Variants in ADD3 observed in about 807,000 individuals in gnomAD.
The protein encoded by ADD3 is gamma-adducin.
ADD3 carries 25 observed loss-of-function variants against 80.2 expected under a neutral mutation model. That is an observed-to-expected ratio of 0.31 (90% CI 0.23 to 0.44). The LOEUF is 0.44. Among genes scored for constraint, ADD3 ranks in the 20% least tolerant of loss-of-function variants. ADD3 has a pLI of 1.00. For synonymous variants in ADD3, 284 were observed against 289.6 expected, an observed-to-expected ratio of 0.98 and a Z score of 0.20; for missense variants, 829 against 847.5, an observed-to-expected ratio of 0.98 and a Z score of 0.27.
chr10:109,996,383 A>G (rs1851381145), exon 1 of ADD3: 2 of 152,294 alleles, frequency 1.3e-5, no homozygotes, highest in Admixed American at 1.3e-4. Flanking sequence ...AGTTTCAGTA[A>G]TCATTGTGAA....
At chr10:110,122,542 T>C (rs1851640045) in intron 9 of ADD3, among the ~76,000 whole-genome samples, 1 of 152,172 alleles carries the variant, frequency 6.6e-6, no homozygotes, top group Non-Finnish European at 1.5e-5. Context: ...CTTGAACTTT[T>C]TCCTCCTAAC....
Position 110,026,622 on chromosome 10 carries a change from G to A in ADD3, c.-30+18323G>A, listed in dbSNP as rs149404652. Among the ~76,000 whole-genome samples, 6 of 152,250 alleles carry A rather than the reference G, an allele frequency of 3.9e-5. No individual in the cohort carries two copies. In the East Asian group the frequency reaches 1.2e-3, roughly 29 times the overall value. On this transcript the variant is annotated intron_variant, in intron 1 of 14. Coordinates refer to ENST00000356080, the MANE Select transcript of ADD3 (RefSeq NM_016824.5). ...AGTTTTAATAGGACCCAGGTACAAGGTCAAGGTACTTGAGAATTTTTGGAT... is the reference window on the plus strand; with the variant it reads ...AGTTTTAATAGGACCCAGGTACAAGATCAAGGTACTTGAGAATTTTTGGAT...
At chr10:110,126,974 G>GA (rs1249327908) in intron 12 of ADD3, among the ~76,000 whole-genome samples, 1 of 152,142 alleles carries the variant, frequency 6.6e-6, no homozygotes, top group African/African-American at 2.4e-5. Flanking sequence ...CACTAAAAGA[G>GA]AAAAAACACT....
intron 2 of ADD3, among the ~76,000 whole-genome samples, chr10:110,103,839 T>A (rs905024064): frequency 1.3e-5 from 2 of 152,192 alleles, no homozygotes; most frequent in Admixed American, 1.3e-4. Context: ...TACCTGGGAC[T>A]ACAGGTATGT....
intron 1 of ADD3, among the ~76,000 whole-genome samples, chr10:110,061,419 A>C (rs1858873525): frequency 6.6e-6 from 1 of 152,170 alleles, no homozygotes; most frequent in African/African-American, 2.4e-5. Flanking sequence ...TTGAAAGTAT[A>C]AATGAGACAG....
intron 1 of ADD3, among the ~76,000 whole-genome samples, chr10:110,089,653 T>C (rs888807195): frequency 6.6e-6 from 1 of 151,954 alleles, no homozygotes; most frequent in Admixed American, 6.6e-5. Flanking sequence ...CTTTCTGTGG[T>C]TGATTGTTTT....
chr10:110,014,421 T>C (rs1374470626), intron 1 of ADD3, among the ~76,000 whole-genome samples: 1 of 152,242 alleles, frequency 6.6e-6, no homozygotes, highest in African/African-American at 2.4e-5. Context: ...AGAAAGGGAT[T>C]TGCAATGAAG....
At position 110,133,543 on chromosome 10, in the gene ADD3, A is replaced by G; in HGVS notation, c.2046A>G (p.Pro682=). 6.2e-7 allele frequency: 1 copy of G among 1,612,080 alleles called. No homozygotes were observed. Among genetic ancestry groups the G allele is most frequent in the Non-Finnish European group, 8.5e-7 (1 of 1,179,334 alleles). The change falls in exon 15 of 15, where the codon CCA becomes CCG. Residue 682 remains proline (P), a synonymous_variant. Transcript: ENST00000356080. ...LSPEGSPSKS[P]SKKKKKFRTP... ...CTGAAGGCTCCCCTTCAAAATCGCC[A>G]TCCAAGAAAAAGAAGAAATTCCGCA...
intron 1 of ADD3, among the ~76,000 whole-genome samples, chr10:110,087,182 C>A (rs575600949): frequency 1.3e-5 from 2 of 152,080 alleles, no homozygotes; most frequent in African/African-American, 4.8e-5. Flanking sequence ...GCGCCCACCA[C>A]CACGCCCAGC....
At chr10:110,074,250 T>A (rs1399593150) in intron 1 of ADD3, among the ~76,000 whole-genome samples, 1 of 152,264 alleles carries the variant, frequency 6.6e-6, no homozygotes. Context: ...TCAAACTTTG[T>A]GACTTCGGGA....
intron 1 of ADD3, among the ~76,000 whole-genome samples, chr10:110,022,858 G>GAATT (rs112759826): frequency 0.022 from 3,354 of 152,194 alleles, 122 homozygotes; most frequent in African/African-American, 0.072. Flanking sequence ...GGAGGAGGGT[G>GAATT]AATTATAGGC....
Position 110,135,281 on chromosome 10 carries a change from T to C in ADD3, c.*1663T>C, listed in dbSNP as rs1163459783. The C allele has an allele frequency of 6.6e-6, 1 of 152,670 alleles. No individual in the cohort carries two copies. Among genetic ancestry groups the C allele is most frequent in the Middle Eastern group, 3.2e-3 (1 of 316 alleles). The allele number at this position is 152,670 out of a possible 1,614,324, so 9.5% of individuals were successfully genotyped here. On this transcript the variant is annotated 3_prime_UTR_variant, in exon 15 of 15. Coordinates refer to ENST00000356080, the MANE Select transcript of ADD3 (RefSeq NM_016824.5). ...TTTTTTTAATGTTCTACATCATTTA[T>C]GTTGTATTACAATGTATGTAGAAAT... is the stretch of plus-strand genomic sequence containing the variant.
At chr10:110,132,924 C>CAAAAA (rs60435351) in intron 14 of ADD3, among the ~76,000 whole-genome samples, 135 of 66,256 alleles carry the variant, frequency 2.0e-3, no homozygotes, top group Non-Finnish European at 3.8e-3. Flanking sequence ...GACTCCGCCT[C>CAAAAA]AAAAAAAAAA....
intron 8 of ADD3, among the ~76,000 whole-genome samples, chr10:110,120,443 A>G (rs1851343731): frequency 6.6e-6 from 1 of 151,774 alleles, no homozygotes; most frequent in Non-Finnish European, 1.5e-5. Context: ...TATGGTGTAT[A>G]TGTGCCACAT....
At chr10:110,003,484 GA>G (rs1851529402), upstream of ADD3, among the ~76,000 whole-genome samples, 1 of 150,700 alleles carries the variant, frequency 6.6e-6, no homozygotes, top group African/African-American at 2.5e-5. Context: ...ATAGTGCTTT[GA>G]AAAGTTCAAA....
chr10:110,114,968 A>G (rs534629113), intron 3 of ADD3, among the ~76,000 whole-genome samples: 5 of 151,576 alleles, frequency 3.3e-5, no homozygotes, highest in African/African-American at 1.2e-4. Context: ...AGTCCTAGCT[A>G]CTCAGGAGGC....
chr10:110,045,935 A>G (rs1339630072), intron 1 of ADD3, among the ~76,000 whole-genome samples: 2 of 152,226 alleles, frequency 1.3e-5, no homozygotes, highest in African/African-American at 4.8e-5. Context: ...TTAATCATCT[A>G]TGTGAACAGT....
intron 5 of ADD3, among the ~76,000 whole-genome samples, chr10:110,118,349 C>A (rs142480748): frequency 2.5e-3 from 384 of 152,222 alleles, no homozygotes; most frequent in Middle Eastern, 0.014. Flanking sequence ...TTTTGTTGCA[C>A]CTGTTTTATA....
intron 1 of ADD3, among the ~76,000 whole-genome samples, chr10:110,098,820 G>A (rs560752394): frequency 1.3e-5 from 2 of 151,926 alleles, no homozygotes; most frequent in African/African-American, 4.8e-5. Flanking sequence ...CAGTAAAGGC[G>A]GGGTTTCACT....
Sources: gnomAD v4.1 joint callset for allele counts (sites outside exome capture counted in the v4.1 genomes callset) on GRCh38, gnomAD v4.1.1 for gene constraint, MANE v1.5 for transcripts, NCBI Gene and HGNC (gene_info 2026-07-23, HGNC 2026-07-21) for gene names.